UBE2E2: variants seen among roughly 807,000 people sequenced by gnomAD.
The protein encoded by UBE2E2 is ubiquitin conjugating enzyme E2 E2, also known as ubiquitin-conjugating enzyme E2 E2.
In UBE2E2, 6 loss-of-function variants were observed where a neutral mutation model predicts 24.7. That is an observed-to-expected ratio of 0.24 (90% CI 0.13 to 0.48). UBE2E2 has a LOEUF of 0.48. Ranked by LOEUF, UBE2E2 falls within the 20% of genes least tolerant of loss-of-function variation. UBE2E2 has a pLI of 0.99. For missense variants in UBE2E2, 169 were observed against 245.0 expected (o/e 0.69, Z 2.07); for synonymous variants, 104 against 83.6 (o/e 1.24, Z -1.33).
intron 5 of UBE2E2, among the ~76,000 whole-genome samples, chr3:23,536,274 A>T (rs1695261863): frequency 6.6e-6 from 1 of 152,234 alleles, no homozygotes; most frequent in Non-Finnish European, 1.5e-5. Context: ...CTCATGCAAA[A>T]TTAATCATTG....
At chr3:23,251,803 C>T (rs1403044260) in intron 3 of UBE2E2, among the ~76,000 whole-genome samples, 1 of 152,126 alleles carries the variant, frequency 6.6e-6, no homozygotes, top group Non-Finnish European at 1.5e-5. Flanking sequence ...AGATCCAACT[C>T]TTCCAAAAAA....
chr3:23,390,446 C>T (rs771460910), intron 3 of UBE2E2, among the ~76,000 whole-genome samples: 1 of 152,170 alleles, frequency 6.6e-6, no homozygotes, highest in Admixed American at 6.5e-5. Context: ...ATCCCCTTTC[C>T]AGCTCCCCTT....
intron 3 of UBE2E2, among the ~76,000 whole-genome samples, chr3:23,433,768 C>G (rs921226863): frequency 1.3e-5 from 2 of 151,730 alleles, no homozygotes; most frequent in African/African-American, 4.8e-5. Context: ...GCTGGCCCAT[C>G]AGTGATCTCT....
chr3:23,251,601 T>C (rs756029870), intron 3 of UBE2E2, among the ~76,000 whole-genome samples: 8 of 152,348 alleles, frequency 5.3e-5, no homozygotes, highest in South Asian at 2.1e-4. Context: ...TTGTCTCTCT[T>C]AAATTACCTT....
chr3:23,270,960 A>C, intron 3 of UBE2E2: 1 of 456,744 alleles, frequency 2.2e-6, no homozygotes, highest in Non-Finnish European at 4.4e-6. Flanking sequence ...GCTGTTCCTG[A>C]TTCGATCTGC....
chr3:23,323,667 G>C (rs1694807338), intron 3 of UBE2E2: 1 of 298,944 alleles, frequency 3.3e-6, no homozygotes, highest in South Asian at 2.6e-5. Context: ...TCAGATAAGG[G>C]CTATTCAACT....
intron 4 of UBE2E2, among the ~76,000 whole-genome samples, chr3:23,521,070 T>C (rs561245045): frequency 6.6e-6 from 1 of 152,324 alleles, no homozygotes; most frequent in African/African-American, 2.4e-5. Flanking sequence ...ATGAACTGGA[T>C]TATTGATCTC....
intron 4 of UBE2E2, among the ~76,000 whole-genome samples, chr3:23,509,097 A>T (rs1027060736): frequency 6.6e-6 from 1 of 152,254 alleles, no homozygotes; most frequent in South Asian, 2.1e-4. Context: ...CACTGGTCCC[A>T]TAAAACAGTG....
At chr3:23,371,189 C>G (rs1407242869) in intron 3 of UBE2E2, among the ~76,000 whole-genome samples, 1 of 152,052 alleles carries the variant, frequency 6.6e-6, no homozygotes, top group Non-Finnish European at 1.5e-5. Flanking sequence ...GCCACCGCAC[C>G]TGGCTAATTT....
intron 3 of UBE2E2, among the ~76,000 whole-genome samples, chr3:23,340,931 C>A (rs557149783): frequency 3.3e-5 from 5 of 152,286 alleles, no homozygotes; most frequent in Admixed American, 6.5e-5. Flanking sequence ...GTACTCCCCC[C>A]ACCAGGAATG....
chr3:23,434,301 T>G (rs1284631089), intron 3 of UBE2E2, among the ~76,000 whole-genome samples: 1 of 152,128 alleles, frequency 6.6e-6, no homozygotes, highest in African/African-American at 2.4e-5. Context: ...ATCCAATTGC[T>G]TACTAACATA....
At chr3:23,316,204 G>A (rs7651175) in intron 3 of UBE2E2, among the ~76,000 whole-genome samples, 49,071 of 152,008 alleles carry the variant, frequency 0.32, 8,171 homozygotes, top group South Asian at 0.37. Context: ...TCAGGGTGAT[G>A]CCTTCCCTTA....
intron 3 of UBE2E2, among the ~76,000 whole-genome samples, chr3:23,221,619 G>T (rs1239264691): frequency 1.3e-5 from 2 of 151,842 alleles, no homozygotes; most frequent in East Asian, 3.9e-4. Context: ...GTTCATCCAT[G>T]TTGCTGCATG....
At chr3:23,484,074 T>C (rs1242587212) in intron 3 of UBE2E2, among the ~76,000 whole-genome samples, 1 of 152,142 alleles carries the variant, frequency 6.6e-6, no homozygotes, top group African/African-American at 2.4e-5. Flanking sequence ...CTTTATTACG[T>C]CATTTAAGGC....
intron 5 of UBE2E2, among the ~76,000 whole-genome samples, chr3:23,576,445 G>T (rs549627218): frequency 6.6e-6 from 1 of 152,024 alleles, no homozygotes; most frequent in Non-Finnish European, 1.5e-5. Flanking sequence ...TTTAAATTAT[G>T]TTTACATAAT....
At chr3:23,206,851 G>A (rs903682853) in intron 1 of UBE2E2, among the ~76,000 whole-genome samples, 2 of 152,070 alleles carry the variant, frequency 1.3e-5, no homozygotes, top group African/African-American at 2.4e-5. Context: ...AAAAAATTTT[G>A]CTTTATTTGA....
intron 2 of UBE2E2, 79 bp downstream of exon 2, chr3:23,208,954 A>G: frequency 2.2e-6 from 3 of 1,382,826 alleles, no homozygotes; most frequent in Non-Finnish European, 2.9e-6. Context: ...GCATTTAATC[A>G]TTTTTTCTGG....
At chr3:23,375,906 T>C (rs962208587) in intron 3 of UBE2E2, among the ~76,000 whole-genome samples, 1 of 152,200 alleles carries the variant, frequency 6.6e-6, no homozygotes, top group African/African-American at 2.4e-5. Context: ...AATTAAATTA[T>C]ATGTAGCCAA....
chr3:23,499,927 T>C (rs1699684414), intron 4 of UBE2E2, among the ~76,000 whole-genome samples, 187 bp downstream of exon 4: 1 of 152,220 alleles, frequency 6.6e-6, no homozygotes, highest in Non-Finnish European at 1.5e-5. Context: ...CCCAGCTTTT[T>C]ACTGATTTCA....
Sources: allele counts gnomAD v4.1 joint callset (sites outside exome capture counted in the v4.1 genomes callset), GRCh38; gene constraint gnomAD v4.1.1; transcripts MANE v1.5; gene names NCBI Gene and HGNC (gene_info 2026-07-23, HGNC 2026-07-21).